SPICE1: variants seen among roughly 807,000 people sequenced by gnomAD.
The protein encoded by SPICE1 is spindle and centriole-associated protein 1.
In SPICE1, 75 loss-of-function variants were observed where a neutral mutation model predicts 102.7. The observed-to-expected ratio is 0.73, with a 90% CI of 0.61 to 0.88. The LOEUF is 0.88. Among genes scored for constraint, SPICE1 ranks in the 40% least tolerant of loss-of-function variants. The pLI is 0.00. For synonymous variants in SPICE1, 308 were observed against 350.3 expected, an observed-to-expected ratio of 0.88 and a Z score of 1.35; for missense variants, 979 against 1,020.1, an observed-to-expected ratio of 0.96 and a Z score of 0.55.
chr3:113,471,600 G>C (rs955295842), intron 7 of SPICE1, among the ~76,000 whole-genome samples: 1 of 152,130 alleles, frequency 6.6e-6, no homozygotes, highest in Non-Finnish European at 1.5e-5. Flanking sequence ...CAAACTTGTG[G>C]GATATTTAAT....
intron 12 of SPICE1, among the ~76,000 whole-genome samples, chr3:113,458,648 G>A (rs1935844155): frequency 6.6e-6 from 1 of 152,182 alleles, no homozygotes; most frequent in South Asian, 2.1e-4. Context: ...TCTAGGAAGT[G>A]AGGAGCGTCT....
chr3:113,482,518 C>A (rs1260241250), intron 7 of SPICE1, among the ~76,000 whole-genome samples: 2 of 152,148 alleles, frequency 1.3e-5, no homozygotes, highest in Non-Finnish European at 2.9e-5. Flanking sequence ...CCTAGGTTTT[C>A]TTCTAGGATT....
At chr3:113,463,041 G>A (rs1031700899) in intron 11 of SPICE1, among the ~76,000 whole-genome samples, 10 of 151,906 alleles carry the variant, frequency 6.6e-5, no homozygotes, top group African/African-American at 1.5e-4. Flanking sequence ...CAAGACCTTC[G>A]CACTTGCTTT....
At chr3:113,488,239 C>T (rs1025976847) in intron 7 of SPICE1, among the ~76,000 whole-genome samples, 1 of 152,046 alleles carries the variant, frequency 6.6e-6, no homozygotes, top group East Asian at 1.9e-4. Flanking sequence ...TTCTTGGGAA[C>T]CACACACTGA....
intron 5 of SPICE1, 113 bp from the exon 6 acceptor site, chr3:113,493,425 A>C: frequency 2.9e-5 from 23 of 787,278 alleles, no homozygotes; most frequent in Non-Finnish European, 4.3e-5. Flanking sequence ...ACAGCAGCTC[A>C]CATTAATGTA....
rs74452853 is a variant in SPICE1 at position 113,505,350 on chromosome 3, G to C, written c.99+1157C>G. On this transcript the variant is annotated intron_variant, in intron 2 of 17. Coordinates refer to ENST00000295872, the MANE Select transcript of SPICE1 (RefSeq NM_144718.4). ...CCGATTTATCAGTTTCCTTACCTTA[G>C]AGTCACATCCTTGTTATTAAAATTT... Among the ~76,000 whole-genome samples, 698 of 151,746 alleles carry C rather than the reference G, an allele frequency of 4.6e-3. 7 individuals are homozygous for C. Among genetic ancestry groups the C allele is most frequent in the African/African-American group, 0.016 (677 of 41,338 alleles).
chr3:113,472,159 G>A (rs144898242), intron 7 of SPICE1, among the ~76,000 whole-genome samples: 6,533 of 152,302 alleles, frequency 0.043, 170 homozygotes, highest in East Asian at 0.1. Context: ...AGGGTCTTAC[G>A]CCCACAGAGT....
At chr3:113,446,520 A>C in intron 17 of SPICE1, 69 bp downstream of exon 17, 1 of 1,073,516 alleles carries the variant, frequency 9.3e-7, no homozygotes, top group Non-Finnish European at 1.4e-6. Context: ...TTAAGAATGG[A>C]AATCACTAAA....
intron 3 of SPICE1, among the ~76,000 whole-genome samples, chr3:113,499,818 T>C (rs538014123): frequency 4.5e-4 from 68 of 152,208 alleles, no homozygotes; most frequent in African/African-American, 1.6e-3. Context: ...CAGAAAGAAA[T>C]AATAATTTCT....
chr3:113,448,288 T>TC, intron 15 of SPICE1, 148 bp from the exon 16 acceptor site: 1 of 163,602 alleles, frequency 6.1e-6, no homozygotes, highest in East Asian at 1.8e-4. Flanking sequence ...CTTGAAAGAC[T>TC]TTTTTTTTTT....
At chr3:113,514,452 C>G (rs1937283841) in intron 1 of SPICE1, 2 of 362,628 alleles carry the variant, frequency 5.5e-6, no homozygotes, top group Admixed American at 7.4e-5. Context: ...CAAAAGCAAT[C>G]CAACTCAGCT....
intron 1 of SPICE1, among the ~76,000 whole-genome samples, 183 bp from the exon 2 acceptor site, chr3:113,506,788 G>A (rs1047498291): frequency 5.3e-5 from 8 of 151,946 alleles, no homozygotes; most frequent in Non-Finnish European, 1.5e-5. Flanking sequence ...AATAAATGTT[G>A]GTACTGATAA....
chr3:113,478,753 G>A (rs994456645), intron 7 of SPICE1, among the ~76,000 whole-genome samples: 5 of 152,078 alleles, frequency 3.3e-5, no homozygotes, highest in Non-Finnish European at 7.4e-5. Flanking sequence ...GTAGATCTAT[G>A]GATATATCTT....
At chr3:113,466,537 G>C (rs1486900725) in intron 10 of SPICE1, among the ~76,000 whole-genome samples, 1 of 151,674 alleles carries the variant, frequency 6.6e-6, no homozygotes, top group Non-Finnish European at 1.5e-5. Flanking sequence ...TTGAACCCAG[G>C]AGGCAGAGGT....
chr3:113,473,973 T>C (rs191002300), intron 7 of SPICE1, among the ~76,000 whole-genome samples: 3 of 152,078 alleles, frequency 2.0e-5, no homozygotes, highest in African/African-American at 7.2e-5. Context: ...AATGCTCCAA[T>C]TAAAAGGCAC....
chr3:113,474,644 C>A (rs866730459), intron 7 of SPICE1, among the ~76,000 whole-genome samples: 1 of 152,152 alleles, frequency 6.6e-6, no homozygotes, highest in South Asian at 2.1e-4. Context: ...TCACTCAAAA[C>A]CGCTCAACTA....
At chr3:113,472,677 G>A (rs1331292696) in intron 7 of SPICE1, among the ~76,000 whole-genome samples, 2 of 152,224 alleles carry the variant, frequency 1.3e-5, no homozygotes, top group Non-Finnish European at 2.9e-5. Flanking sequence ...GGCAAACAGG[G>A]TCTGGAGTGG....
chr3:113,461,439 C>T (rs1173193247), intron 11 of SPICE1, among the ~76,000 whole-genome samples: 2 of 151,638 alleles, frequency 1.3e-5, no homozygotes, highest in South Asian at 4.1e-4. Context: ...TGAATGTGTT[C>T]AGTGTTTAGA....
chr3:113,510,914 C>CA (rs1222071159), intron 1 of SPICE1, among the ~76,000 whole-genome samples: 1 of 150,852 alleles, frequency 6.6e-6, no homozygotes, highest in Non-Finnish European at 1.5e-5. Context: ...CTTAAATTGA[C>CA]AAAAAAACAA....
Sources: allele counts gnomAD v4.1 joint callset (sites outside exome capture counted in the v4.1 genomes callset), GRCh38; gene constraint gnomAD v4.1.1; transcripts MANE v1.5; gene names NCBI Gene and HGNC (gene_info 2026-07-23, HGNC 2026-07-21).